UBA2: variants seen among roughly 807,000 people sequenced by gnomAD.
UBA2 encodes the protein SUMO-activating enzyme subunit 2.
Under a neutral mutation model 77.2 loss-of-function variants are expected in UBA2, and 11 were observed. The ratio of observed to expected loss-of-function variants is 0.14; its 90% confidence interval spans 0.09 to 0.24. UBA2 has a LOEUF of 0.24. Among genes scored for constraint, UBA2 ranks in the 10% least tolerant of loss-of-function variants. UBA2 has a pLI of 1.00. For missense variants in UBA2, 487 were observed against 781.7 expected, an observed-to-expected ratio of 0.62 and a Z score of 4.50; for synonymous variants, 278 against 276.7, an observed-to-expected ratio of 1.00 and a Z score of -0.05.
chr19:34,435,069 A>T, intron 5 of UBA2, 101 bp downstream of exon 5: 1 of 846,762 alleles, frequency 1.2e-6, no homozygotes, highest in Non-Finnish European at 1.8e-6. Flanking sequence ...ACAGGTGAAC[A>T]TCCAAAATGT....
At chr19:34,461,283 A>G (rs2075628516) in intron 14 of UBA2, among the ~76,000 whole-genome samples, 1 of 152,098 alleles carries the variant, frequency 6.6e-6, no homozygotes, top group Non-Finnish European at 1.5e-5. Flanking sequence ...CTATTTGTCC[A>G]TTGGTCATTT....
intron 16 of UBA2, among the ~76,000 whole-genome samples, chr19:34,467,618 T>TA (rs1291322041): frequency 2.0e-5 from 3 of 152,096 alleles, no homozygotes; most frequent in Non-Finnish European, 4.4e-5. Context: ...GTACTAAAAA[T>TA]ACAAAAAATT....
chr19:34,460,452 T>A lies in UBA2; in HGVS notation c.1402-18T>A. 2 of 240,972 alleles carry A rather than the reference T, an allele frequency of 8.3e-6. No individual in the cohort carries two copies. Among genetic ancestry groups the A allele is most frequent in the Non-Finnish European group, 7.1e-6 (1 of 141,738 alleles). 14.9% of individuals were successfully genotyped at this position (240,972 alleles called of 1,614,324 possible). The stretch of plus-strand genomic sequence containing the variant: ...TTACCTACGTTAATATTTTGAATCC[T>A]TTTTTTTTTTTTTGTAGATAGTGAA... On this transcript the variant is annotated intron_variant, in intron 13 of 16. Transcript: ENST00000246548.
chr19:34,448,356 A>G (rs985073209), intron 8 of UBA2, among the ~76,000 whole-genome samples: 5 of 152,134 alleles, frequency 3.3e-5, no homozygotes, highest in Non-Finnish European at 2.9e-5. Flanking sequence ...GCACTTTGGA[A>G]GGCTGAGGCG....
intron 14 of UBA2, among the ~76,000 whole-genome samples, chr19:34,461,423 A>G (rs1371582757): frequency 1.3e-5 from 2 of 152,128 alleles, no homozygotes; most frequent in Admixed American, 6.5e-5. Flanking sequence ...GTCATGTGTA[A>G]TTGGAGGCCA....
intron 8 of UBA2, among the ~76,000 whole-genome samples, chr19:34,447,819 G>A (rs763410477): frequency 4.6e-5 from 7 of 152,196 alleles, no homozygotes; most frequent in Admixed American, 1.3e-4. Flanking sequence ...GATGTTGTTA[G>A]GGAGAGGCTT....
At chr19:34,442,265 A>T (rs1264273638) in intron 6 of UBA2, among the ~76,000 whole-genome samples, 1 of 152,180 alleles carries the variant, frequency 6.6e-6, no homozygotes, top group Non-Finnish European at 1.5e-5. Flanking sequence ...CAAAATTAAT[A>T]TGAGCAGCAT....
intron 10 of UBA2, 76 bp from the exon 11 acceptor site, chr19:34,454,178 CGTGAAA>C: frequency 1.6e-6 from 2 of 1,221,404 alleles, no homozygotes; most frequent in South Asian, 2.7e-5. Flanking sequence ...ATTATAAACA[CGTGAAA>C]GTATTGTTCT....
chr19:34,457,799 T>C (rs145878229), intron 12 of UBA2, among the ~76,000 whole-genome samples: 1 of 152,350 alleles, frequency 6.6e-6, no homozygotes, highest in East Asian at 1.9e-4. Flanking sequence ...TGTTGGATCT[T>C]GCTAGTGTTT....
At chr19:34,443,215 A>G (rs2075389669) in intron 6 of UBA2, among the ~76,000 whole-genome samples, 1 of 152,196 alleles carries the variant, frequency 6.6e-6, no homozygotes, top group South Asian at 2.1e-4. Context: ...GTGTAAACAC[A>G]AACATTATTC....
At chr19:34,449,229 C>T (rs1348031558) in intron 8 of UBA2, among the ~76,000 whole-genome samples, 3 of 151,866 alleles carry the variant, frequency 2.0e-5, no homozygotes, top group Non-Finnish European at 2.9e-5. Context: ...GCCACGACGC[C>T]CAGCTGATTT....
At chr19:34,456,161 G>C (rs1307276919) in intron 12 of UBA2, among the ~76,000 whole-genome samples, 2 of 133,694 alleles carry the variant, frequency 1.5e-5, no homozygotes, top group South Asian at 4.8e-4. Flanking sequence ...CTGGAGTACA[G>C]TGGAGTACAG....
At chr19:34,429,080 G>C (rs1354331012) in intron 1 of UBA2, 1 of 984,922 alleles carries the variant, frequency 1.0e-6, no homozygotes, top group Non-Finnish European at 1.2e-6. Flanking sequence ...CACCCGAGGA[G>C]TGCAAACGCT....
At chr19:34,429,327 CTT>C in intron 1 of UBA2, 1 of 851,192 alleles carries the variant, frequency 1.2e-6, no homozygotes, top group East Asian at 1.2e-4. Flanking sequence ...CTAATGCAAA[CTT>C]TTTAGAGATT....
At chr19:34,468,985 A>C in intron 16 of UBA2, 55 bp from the exon 17 acceptor site, 1 of 1,468,446 alleles carries the variant, frequency 6.8e-7, no homozygotes, top group African/African-American at 1.4e-5. Context: ...ACAGGTGAGC[A>C]CAGGTAACTC....
chr19:34,437,953 C>T (rs890080542), intron 5 of UBA2, among the ~76,000 whole-genome samples: 2 of 151,848 alleles, frequency 1.3e-5, no homozygotes, highest in African/African-American at 4.8e-5. Context: ...TCTTTGGGAG[C>T]CTGAGGCAGG....
intron 13 of UBA2, 51 bp from the exon 14 acceptor site, chr19:34,460,419 A>T: frequency 8.3e-7 from 1 of 1,201,614 alleles, no homozygotes; most frequent in South Asian, 1.4e-5. Flanking sequence ...ATTTCTTATG[A>T]TCTTTAATTA....
chr19:34,443,009 T>C (rs2075387209), intron 6 of UBA2, among the ~76,000 whole-genome samples: 1 of 152,178 alleles, frequency 6.6e-6, no homozygotes, highest in Admixed American at 6.5e-5. Flanking sequence ...TATTAAACAG[T>C]TTTTAGGATA....
chr19:34,438,473 C>T (rs2075334201), intron 5 of UBA2, among the ~76,000 whole-genome samples, 172 bp from the exon 6 acceptor site: 1 of 152,122 alleles, frequency 6.6e-6, no homozygotes, highest in Admixed American at 6.6e-5. Context: ...ATTCAGTTAG[C>T]TTTTGTGTTA....
Sources: gnomAD v4.1 joint callset for allele counts (sites outside exome capture counted in the v4.1 genomes callset) on GRCh38, gnomAD v4.1.1 for gene constraint, MANE v1.5 for transcripts, NCBI Gene and HGNC (gene_info 2026-07-23, HGNC 2026-07-21) for gene names.